CD47: variants seen among roughly 807,000 people sequenced by gnomAD.
CD47 encodes the protein leukocyte surface antigen CD47.
A neutral mutation model predicts 44.6 loss-of-function variants in CD47; 11 were observed. The observed-to-expected ratio is 0.25, with a 90% CI of 0.16 to 0.41. The LOEUF (loss-of-function observed/expected upper bound fraction) is 0.41, where lower values mean the gene tolerates loss of function less well. CD47 is among the 10% of genes least tolerant of loss of function. The probability of loss-of-function intolerance (pLI) is 1.00; values close to 1 mark genes in which losing one functional copy is unlikely to be tolerated. For synonymous variants in CD47, 140 were observed against 136.3 expected (o/e 1.03, Z -0.19); for missense variants, 306 against 386.7 (o/e 0.79, Z 1.75).
rs1237397151 is a variant in CD47, at chr3:108,046,243, G to C, written c.*1045C>G. 1 of 152,618 alleles carries C rather than the reference G, an allele frequency of 6.6e-6. No homozygotes were observed. Among genetic ancestry groups the C allele is most frequent in the Non-Finnish European group, 1.5e-5 (1 of 68,036 alleles). The allele number at this position is 152,618 out of a possible 1,614,324, so 9.5% of individuals were successfully genotyped here. On this transcript the variant is annotated 3_prime_UTR_variant, in exon 11 of 11. Transcript: ENST00000361309. The stretch of plus-strand genomic sequence containing the variant: ...CAACAGTAATAAATCCCCATTCAAG[G>C]GCTGGCCTGTTGGCCTGATGGTGAC...
Position 108,084,330 on chromosome 3 carries a change from T to C in CD47, c.47-3986A>G, listed in dbSNP as rs114026194. On this transcript the variant is annotated intron_variant, in intron 1 of 10. Transcript: ENST00000361309. Reference sequence around the variant, plus strand: ...TTCTTGAGCCAGTGGGCAGTCTCTTTCTTGCTCTTCTCTCTTGGCCTCCAT... The same window carrying C: ...TTCTTGAGCCAGTGGGCAGTCTCTTCCTTGCTCTTCTCTCTTGGCCTCCAT... 3.4e-3 allele frequency among the ~76,000 whole-genome samples: 516 copies of C among 152,124 alleles called. 5 individuals carry two copies. The highest frequency in any genetic ancestry group is 0.012 in the African/African-American group (492 of 41,500).
At chr3:108,087,823 G>T (rs2079551083) in intron 1 of CD47, among the ~76,000 whole-genome samples, 2 of 152,116 alleles carry the variant, frequency 1.3e-5, no homozygotes, top group South Asian at 4.1e-4. Flanking sequence ...CTTGATTTCT[G>T]TTTCAACACT....
chr3:108,061,986 G>A (rs2079022875), intron 3 of CD47, among the ~76,000 whole-genome samples: 2 of 152,160 alleles, frequency 1.3e-5, no homozygotes, highest in Admixed American at 1.3e-4. Flanking sequence ...GTATATGACA[G>A]GTACCTAAAT....
intron 3 of CD47, among the ~76,000 whole-genome samples, chr3:108,062,483 T>G (rs1228663790): frequency 6.6e-6 from 1 of 152,118 alleles, no homozygotes; most frequent in African/African-American, 2.4e-5. Flanking sequence ...CAAATGCACC[T>G]CACAGTCAAT....
intron 1 of CD47, among the ~76,000 whole-genome samples, chr3:108,090,548 T>C (rs2079611622): frequency 1.3e-5 from 2 of 152,122 alleles, no homozygotes; most frequent in Admixed American, 6.5e-5. Context: ...TCTTGCTAGT[T>C]AATTTTTGCG....
At chr3:108,065,971 A>G (rs1359682490) in intron 3 of CD47, among the ~76,000 whole-genome samples, 1 of 152,150 alleles carries the variant, frequency 6.6e-6, no homozygotes, top group African/African-American at 2.4e-5. Flanking sequence ...CTAGTCCAAG[A>G]TAGGCTATGT....
chr3:108,078,826 G>T (rs776635267), intron 2 of CD47, among the ~76,000 whole-genome samples: 7 of 151,894 alleles, frequency 4.6e-5, no homozygotes, highest in Non-Finnish European at 5.9e-5. Context: ...AAACATCCCA[G>T]GAAAACAACT....
At chr3:108,057,796 T>C (rs2078936456) in intron 6 of CD47, among the ~76,000 whole-genome samples, 1 of 152,172 alleles carries the variant, frequency 6.6e-6, no homozygotes, top group Non-Finnish European at 1.5e-5. Context: ...AACTGGTGTT[T>C]CAAGTCTAAG....
intron 1 of CD47, among the ~76,000 whole-genome samples, chr3:108,082,357 C>A (rs192357038): frequency 4.3e-4 from 65 of 152,062 alleles, no homozygotes; most frequent in Middle Eastern, 3.4e-3. Flanking sequence ...CAATTGATTT[C>A]CACCTGGTGG....
intron 10 of CD47, among the ~76,000 whole-genome samples, chr3:108,049,392 G>A (rs527997946): frequency 3.3e-5 from 5 of 152,288 alleles, no homozygotes; most frequent in Admixed American, 1.3e-4. Context: ...TCTTTGCTGG[G>A]AGCCATATGA....
At position 108,050,477 on chromosome 3, in the gene CD47, A is replaced by G; in HGVS notation, c.934+101T>C. On this transcript the variant is annotated intron_variant, in intron 9 of 10. Coordinates refer to ENST00000361309, the MANE Select transcript of CD47 (RefSeq NM_001777.4). Reference sequence around the variant, plus strand: ...AAGGAAAGAAAAAAAGAGGAAAAAAACCTAGATTCTTCCTAAGGCATAGAC... The same window carrying G: ...AAGGAAAGAAAAAAAGAGGAAAAAAGCCTAGATTCTTCCTAAGGCATAGAC... 4.5e-6 allele frequency: 3 copies of G among 674,034 alleles called. No homozygotes were observed. The South Asian group carries it at 5.3e-5, about 12-fold the overall frequency. The allele number at this position is 674,034 out of a possible 1,614,324, so 41.8% of individuals were successfully genotyped here. A position where few individuals can be genotyped will look rare whatever the true frequency, so the allele number is the denominator to read the frequency against.
chr3:108,043,803 A>C lies in CD47; in HGVS notation c.*3485T>G, dbSNP rs1387005543. On this transcript the variant is annotated 3_prime_UTR_variant, in exon 11 of 11. Transcript: ENST00000361309. The stretch of plus-strand genomic sequence containing the variant: ...TTTTCAAAAAGAGAAATTTATGAGA[A>C]AGCTGGTCTTCAATGATCTTAATTA... The C allele has an allele frequency of 6.6e-6, 1 of 152,622 alleles. No homozygotes were observed. The highest frequency in any genetic ancestry group is 2.4e-5 in the African/African-American group (1 of 41,468). 9.5% of individuals were successfully genotyped at this position (152,622 alleles called of 1,614,324 possible).
chr3:108,049,116 CTCTCTCTCTCTCT>C, intron 10 of CD47, among the ~76,000 whole-genome samples: 1 of 134,676 alleles, frequency 7.4e-6, no homozygotes, highest in Admixed American at 7.3e-5. Flanking sequence ...CTCTCTCTCT[CTCTCTCTCTCTCT>C]CTCTCTCTCT....
intron 1 of CD47, among the ~76,000 whole-genome samples, chr3:108,087,224 T>C (rs927327617): frequency 2.6e-5 from 4 of 152,140 alleles, no homozygotes; most frequent in Non-Finnish European, 5.9e-5. Context: ...AGTCTCTAGC[T>C]ACACTGGGTT....
chr3:108,060,895 G>A (rs374950542), intron 3 of CD47, 43 bp from the exon 4 acceptor site: 36 of 1,288,728 alleles, frequency 2.8e-5, no homozygotes, highest in African/African-American at 2.6e-4. Context: ...TCAATCACAA[G>A]TGAAGCCATT....
chr3:108,062,755 C>A (rs930234947), intron 3 of CD47, among the ~76,000 whole-genome samples: 3 of 151,474 alleles, frequency 2.0e-5, no homozygotes, highest in African/African-American at 7.3e-5. Context: ...GATTCTCCTG[C>A]CTCAGCCTCC....
chr3:108,056,530 T>C (rs77680293), intron 7 of CD47, among the ~76,000 whole-genome samples: 4,485 of 152,300 alleles, frequency 0.029, 96 homozygotes, highest in Middle Eastern at 0.045. Context: ...TAGAAACACA[T>C]ACAGCAAAGT....
Position 108,043,271 on chromosome 3 carries a change from T to C in CD47, c.*4017A>G, listed in dbSNP as rs1307329239. On this transcript the variant is annotated 3_prime_UTR_variant, in exon 11 of 11. Transcript: ENST00000361309. ...TCAGAAATGTGCTTGTGGTCTGCTG[T>C]AGCAGCAATAGAAATAGCCCAACAA... 6.5e-6 allele frequency: 1 copy of C among 152,676 alleles called. No homozygotes were observed. 9.5% of individuals were successfully genotyped at this position (152,676 alleles called of 1,614,324 possible). A position where few individuals can be genotyped will look rare whatever the true frequency, so the allele number is the denominator to read the frequency against.
intron 7 of CD47, among the ~76,000 whole-genome samples, chr3:108,055,922 T>C (rs2078906000): frequency 1.3e-5 from 2 of 152,260 alleles, no homozygotes; most frequent in South Asian, 2.1e-4. Context: ...CTGAAGATCA[T>C]TCTATGCTAG....
Sources: allele counts gnomAD v4.1 joint callset (sites outside exome capture counted in the v4.1 genomes callset), GRCh38; gene constraint gnomAD v4.1.1; transcripts MANE v1.5; gene names NCBI Gene and HGNC (gene_info 2026-07-23, HGNC 2026-07-21).